Variants in TMPRSS9 observed in about 807,000 individuals in gnomAD.
The protein encoded by TMPRSS9 is transmembrane serine protease 9.
TMPRSS9 carries 113 observed loss-of-function variants against 111.4 expected under a neutral mutation model. The ratio of observed to expected loss-of-function variants is 1.01; its 90% CI spans 0.87 to 1.19. TMPRSS9 has a LOEUF of 1.19. Among genes scored for constraint, TMPRSS9 ranks in the 50% most tolerant of loss-of-function variants. The pLI is 0.00. For missense variants in TMPRSS9, 1,803 were observed against 1,513.1 expected, an observed-to-expected ratio of 1.19 and a Z score of -3.18; for synonymous variants, 805 against 659.1, an observed-to-expected ratio of 1.22 and a Z score of -3.39.
chr19:2,399,362 T>C (rs1262935272), intron 4 of TMPRSS9, among the ~76,000 whole-genome samples, 169 bp downstream of exon 5: 1 of 152,066 alleles, frequency 6.6e-6, no homozygotes, highest in African/African-American at 2.4e-5. Flanking sequence ...GGCGGGTGGA[T>C]CACCTGAGGT....
At chr19:2,402,241 T>TA (rs751499975) in intron 5 of TMPRSS9, among the ~76,000 whole-genome samples, 2 of 149,298 alleles carry the variant, frequency 1.3e-5, no homozygotes, top group Non-Finnish European at 3.0e-5. Context: ...AAAATAATAA[T>TA]AAAAAAAGGC....
chr19:2,425,827 AG>A, intron 17 of TMPRSS9, 99 bp from the exon 19 acceptor site: 2 of 1,441,444 alleles, frequency 1.4e-6, no homozygotes, highest in East Asian at 2.5e-5. Flanking sequence ...TGCGGCTCCC[AG>A]GGGAAGTCAC....
intron 1 of TMPRSS9, among the ~76,000 whole-genome samples, chr19:2,381,897 C>T (rs1410399709): frequency 6.6e-6 from 1 of 152,198 alleles, no homozygotes; most frequent in African/African-American, 2.4e-5. Context: ...GGCTTGAGTG[C>T]AGTGGCGCAA....
intron 1 of TMPRSS9, among the ~76,000 whole-genome samples, chr19:2,380,150 C>T (rs1323338553): frequency 1.3e-5 from 2 of 152,008 alleles, no homozygotes. Context: ...TCAGCTCCCA[C>T]TTAGTGGGAG....
At chr19:2,369,387 G>A (rs1192727814) in intron 1 of TMPRSS9, among the ~76,000 whole-genome samples, 1 of 152,094 alleles carries the variant, frequency 6.6e-6, no homozygotes, top group Non-Finnish European at 1.5e-5. Flanking sequence ...AGTTTGGTCA[G>A]TGTCAAATTT....
At chr19:2,409,243 G>A (rs1485033656) in intron 8 of TMPRSS9, among the ~76,000 whole-genome samples, 2 of 149,896 alleles carry the variant, frequency 1.3e-5, no homozygotes, top group East Asian at 2.0e-4. Flanking sequence ...GGGTTCAAGC[G>A]ATTCTCTTGC....
chr19:2,362,956 AGGTTGTGGTTGTGTGTG>A, intron 1 of TMPRSS9, among the ~76,000 whole-genome samples: 1 of 78,176 alleles, frequency 1.3e-5, no homozygotes, highest in South Asian at 6.3e-4. Flanking sequence ...GTGTTGTGTG[AGGTTGTGGTTGTGTGTG>A]CAAATCCCCT....
intron 1 of TMPRSS9, among the ~76,000 whole-genome samples, chr19:2,379,475 G>T (rs557967174): frequency 1.1e-4 from 17 of 151,712 alleles, no homozygotes; most frequent in African/African-American, 4.1e-4. Context: ...ATGAGCCACC[G>T]TGCCCAGCAA....
intron 1 of TMPRSS9, among the ~76,000 whole-genome samples, chr19:2,395,778 A>T (rs949238274): frequency 3.3e-5 from 5 of 152,080 alleles, no homozygotes; most frequent in Non-Finnish European, 7.4e-5. Context: ...GAGGCCGAGG[A>T]GGGCGGATCA....
chr19:2,396,685 T>C lies in TMPRSS9; in HGVS notation c.270+19T>C, dbSNP rs1970716662. 6.3e-7 allele frequency: 1 copy of C among 1,595,754 alleles called. No homozygotes were observed. Among genetic ancestry groups the C allele is most frequent in the African/African-American group, 1.3e-5 (1 of 74,590 alleles). ...GGCACTGGTGAGGGTGGTCTGTGTTTGGGGGCCAGGGAGGAAGAGCGGGTG... is the reference window on the plus strand; with the variant it reads ...GGCACTGGTGAGGGTGGTCTGTGTTCGGGGGCCAGGGAGGAAGAGCGGGTG... On this transcript the variant is annotated intron_variant, in intron 2 of 17. Coordinates refer to ENST00000648592, the Ensembl canonical transcript of TMPRSS9.
At chr19:2,405,194 A>C (rs1361524464) in intron 6 of TMPRSS9, among the ~76,000 whole-genome samples, 180 bp from the exon 8 acceptor site, 1 of 151,896 alleles carries the variant, frequency 6.6e-6, no homozygotes, top group Non-Finnish European at 1.5e-5. Flanking sequence ...GGGGCAGCCG[A>C]GGAGTTGAAG....
At position 2,371,099 on chromosome 19, in the gene TMPRSS9, C is replaced by G. The variant is rs879659786; in HGVS notation, c.-26+10739C>G. Among the ~76,000 whole-genome samples, 15 of 152,298 alleles carry G rather than the reference C, an allele frequency of 9.8e-5. No individual in the cohort carries two copies. The East Asian group carries it at 2.9e-3, about 29-fold the overall frequency. On this transcript the variant is annotated intron_variant, in intron 1 of 17. Transcript: ENST00000649857. ...GCCCCGGATGTCCTCTGCGAAGGCT[C>G]TGAGCCCACAGCTCACTCCTGTTTG...
exon 5 of TMPRSS9, chr19:2,401,994 G>A (rs754581739): frequency 8.1e-6 from 13 of 1,611,686 alleles, no homozygotes; most frequent in Non-Finnish European, 1.1e-5. Context: ...AGGGACCCTT[G>A]GCAGAAAGAG....
chr19:2,389,430 C>T (rs1360244761), upstream of TMPRSS9, among the ~76,000 whole-genome samples: 10 of 143,072 alleles, frequency 7.0e-5, no homozygotes, highest in South Asian at 2.2e-4. Flanking sequence ...AGTGCAGTAG[C>T]GTGATCTCGG....
At chr19:2,418,319 C>CCCTTTCCTTCCCTCCCTCCCTTCCCT (rs1568189365) in intron 13 of TMPRSS9, among the ~76,000 whole-genome samples, 181 bp downstream of exon 14, 17 of 39,658 alleles carry the variant, frequency 4.3e-4, no homozygotes, top group Non-Finnish European at 4.6e-4. Flanking sequence ...CCCTCCCTCC[C>CCCTTTCCTTCCCTCCCTCCCTTCCCT]TCCCTCCCTC....
exon 16 of TMPRSS9, chr19:2,425,117 A>T: frequency 6.3e-7 from 1 of 1,582,022 alleles, no homozygotes; most frequent in Middle Eastern, 1.7e-4. Flanking sequence ...CAATCTCTAC[A>T]CGCTCGACTA....
chr19:2,410,529 C>G (rs190138643), intron 9 of TMPRSS9, 135 bp downstream of exon 10: 1 of 1,252,138 alleles, frequency 8.0e-7, no homozygotes. Flanking sequence ...AACACAGACA[C>G]GAGCGTGTTC....
chr19:2,361,216 G>A, intron 1 of TMPRSS9, among the ~76,000 whole-genome samples: 1 of 61,652 alleles, frequency 1.6e-5, no homozygotes, highest in Non-Finnish European at 3.1e-5. Flanking sequence ...AGGTGGGGCT[G>A]GGGTGGGAGG....
intron 1 of TMPRSS9, among the ~76,000 whole-genome samples, chr19:2,394,782 G>C (rs1050856851): frequency 7.7e-6 from 1 of 129,982 alleles, no homozygotes; most frequent in South Asian, 2.4e-4. Flanking sequence ...TTGTAATTAC[G>C]GCCATTTTTT....
Sources: gnomAD v4.1 joint callset for allele counts (sites outside exome capture counted in the v4.1 genomes callset) on GRCh38, gnomAD v4.1.1 for gene constraint, MANE v1.5 for transcripts, NCBI Gene and HGNC (gene_info 2026-07-23, HGNC 2026-07-21) for gene names.